The following DEFB109B variants were observed in gnomAD, a reference collection of about 807,000 sequenced individuals.
The protein encoded by DEFB109B is defensin beta 109B.
At chr8:7,315,243 C>A (rs1240884070) in intron 1 of DEFB109B, among the ~76,000 whole-genome samples, 2 of 118,180 alleles carry the variant, frequency 1.7e-5, no homozygotes, top group Admixed American at 7.9e-5. Flanking sequence ...TGGGGCCACA[C>A]GCGGTGGCTC....
chr8:7,319,953 A>T (rs1803215266), downstream of DEFB109B: 1 of 68,728 alleles, frequency 1.5e-5, no homozygotes, highest in Non-Finnish European at 2.6e-5. Context: ...TTGAAATGAA[A>T]CTGAAACAAA....
chr8:7,317,630 TTAAAGA>T (rs1803044171), intron 1 of DEFB109B, among the ~76,000 whole-genome samples: 19 of 96,332 alleles, frequency 2.0e-4, no homozygotes, highest in Admixed American at 5.4e-4. Context: ...TTTGGAGATA[TTAAAGA>T]TTCAGATGTA....
chr8:7,316,873 C>T (rs1156997170), intron 1 of DEFB109B, among the ~76,000 whole-genome samples: 2 of 128,958 alleles, frequency 1.6e-5, no homozygotes, highest in Admixed American at 7.3e-5. Flanking sequence ...GAACTCCTGA[C>T]CTCGTGATCC....
intron 1 of DEFB109B, among the ~76,000 whole-genome samples, chr8:7,315,291 G>T (rs1802832328): frequency 7.7e-6 from 1 of 130,006 alleles, no homozygotes; most frequent in Admixed American, 7.1e-5. Context: ...GCCGAGGCCG[G>T]CAGATCACGA....
upstream of DEFB109B, among the ~76,000 whole-genome samples, chr8:7,311,984 A>C (rs1470757082): frequency 7.8e-6 from 1 of 128,526 alleles, no homozygotes; most frequent in Admixed American, 7.2e-5. Context: ...ATTTTACTTC[A>C]TAATAAGATA....
At chr8:7,313,689 T>G (rs1189375794) in intron 1 of DEFB109B, among the ~76,000 whole-genome samples, 1 of 140,570 alleles carries the variant, frequency 7.1e-6, no homozygotes, top group Non-Finnish European at 1.5e-5. Flanking sequence ...TTTTGGGGGC[T>G]TTTGGAAAAA....
intron 1 of DEFB109B, chr8:7,318,559 A>C (rs1291304862): frequency 1.6e-5 from 2 of 127,850 alleles, no homozygotes; most frequent in Non-Finnish European, 3.0e-5. Flanking sequence ...AATTTTAAAA[A>C]TCATATTTAA....
chr8:7,316,120 G>A (rs963022592), intron 1 of DEFB109B, among the ~76,000 whole-genome samples: 2 of 8,810 alleles, frequency 2.3e-4, no homozygotes, highest in Non-Finnish European at 2.1e-4. Flanking sequence ...TGTCAATTTT[G>A]TATTGTTATT....
In DEFB109B at chr8:7,313,718, C is replaced by T. The variant is rs1467763770; in HGVS notation, n.58+815C>T. Among the ~76,000 whole-genome samples, 13 of 141,640 alleles carry T rather than the reference C, an allele frequency of 9.2e-5. 1 individual carries two copies. The highest frequency in any genetic ancestry group is 3.7e-4 in the African/African-American group (12 of 32,370). The allele number at this position is 141,640 out of a possible 152,430, so 92.9% of individuals were successfully genotyped here. Reference sequence around the variant, plus strand: ...GGAAAAAAAAAACAGCATAATAAACCTAAAGAAGATAAAGGGAAAATTATA... The same window carrying T: ...GGAAAAAAAAAACAGCATAATAAACTTAAAGAAGATAAAGGGAAAATTATA... On this transcript the variant is annotated intron_variant and non_coding_transcript_variant, in intron 1 of 1. Transcript: ENST00000382656.
intron 1 of DEFB109B, among the ~76,000 whole-genome samples, chr8:7,316,927 CA>C (rs1802982337): frequency 7.9e-6 from 1 of 126,328 alleles, no homozygotes; most frequent in Non-Finnish European, 1.5e-5. Flanking sequence ...AGGCATGAGC[CA>C]CCATGCCCAG....
chr8:7,311,969 G>A (rs1456047592), upstream of DEFB109B, among the ~76,000 whole-genome samples: 54 of 126,948 alleles, frequency 4.3e-4, 3 homozygotes, highest in Non-Finnish European at 7.2e-4. Flanking sequence ...ATCAAGTCAA[G>A]TTTTATTTTA....
upstream of DEFB109B, among the ~76,000 whole-genome samples, chr8:7,312,227 A>C (rs559624582): frequency 1.7e-3 from 235 of 134,968 alleles, 37 homozygotes; most frequent in African/African-American, 6.6e-3. Context: ...TCAAGGGTTA[A>C]AGCTATAAAA....
At chr8:7,310,452 AC>A (rs996175252), upstream of DEFB109B, among the ~76,000 whole-genome samples, 1 of 105,296 alleles carries the variant, frequency 9.5e-6, no homozygotes, top group Admixed American at 9.7e-5. Flanking sequence ...AACCTAAGTC[AC>A]CAACCCTTAA....
At chr8:7,315,732 C>T (rs558347061) in intron 1 of DEFB109B, among the ~76,000 whole-genome samples, 1 of 140,870 alleles carries the variant, frequency 7.1e-6, no homozygotes, top group South Asian at 2.2e-4. Context: ...CAGGTACACA[C>T]AAAGCATGTG....
upstream of DEFB109B, among the ~76,000 whole-genome samples, chr8:7,310,417 A>G (rs1802552525): frequency 1.1e-5 from 1 of 87,276 alleles, no homozygotes; most frequent in South Asian, 4.3e-4. Context: ...AAAAAAAAAA[A>G]GCCAAAAGAT....
In DEFB109B at chr8:7,313,297, C is replaced by T. The variant is rs544236267; in HGVS notation, n.58+394C>T. ...AGTTAGATCTGACAGGATTGAATTT[C>T]GGTGGCATCTATTATTATATTCACT... On this transcript the variant is annotated intron_variant and non_coding_transcript_variant, in intron 1 of 1. Transcript: ENST00000382656. 1.7e-4 allele frequency among the ~76,000 whole-genome samples: 25 copies of T among 145,302 alleles called. No individual in the cohort carries two copies. In the East Asian group the frequency reaches 2.8e-3, roughly 16 times the overall value.
At position 7,318,970 on chromosome 8, in the gene DEFB109B, GTAGA is replaced by G. The variant is rs1229396351; in HGVS notation, n.59-770_59-767del. The G allele has an allele frequency of 1.1e-4, 16 of 146,208 alleles. 3 individuals are homozygous for G. The highest frequency in any genetic ancestry group is 4.5e-4 in the African/African-American group (16 of 35,830). 9.1% of individuals were successfully genotyped at this position (146,208 alleles called of 1,614,324 possible). On this transcript the variant is annotated intron_variant and non_coding_transcript_variant, in intron 1 of 1. Transcript: ENST00000382656. Reference sequence around the variant, plus strand: ...GACTAAGACACTATTAGCAATTAAAGTAGATAGATCAAATCTAAATATGGAGAGA... The same window carrying G: ...GACTAAGACACTATTAGCAATTAAAGTAGATCAAATCTAAATATGGAGAGA...
At chr8:7,312,001 A>G (rs537181434), upstream of DEFB109B, among the ~76,000 whole-genome samples, 1 of 129,006 alleles carries the variant, frequency 7.8e-6, no homozygotes, top group East Asian at 2.0e-4. Flanking sequence ...GATAATGGAG[A>G]TAAGTGTTAA....
At position 7,316,715 on chromosome 8, in the gene DEFB109B, C is replaced by A. The variant is rs548335264; in HGVS notation, n.59-3031C>A. 4.8e-4 allele frequency among the ~76,000 whole-genome samples: 70 copies of A among 144,506 alleles called. 1 individual carries two copies. Among genetic ancestry groups the A allele is most frequent in the Non-Finnish European group, 9.4e-4 (64 of 67,924 alleles). 94.8% of individuals were successfully genotyped at this position (144,506 alleles called of 152,430 possible). A position where few individuals can be genotyped will look rare whatever the true frequency, so the allele number is the denominator to read the frequency against. On this transcript the variant is annotated intron_variant and non_coding_transcript_variant, in intron 1 of 1. Transcript: ENST00000382656. ...AATCTTGGCTCACTACAACCTCCACCTCCTGGGTTCAAGTGATTCTCCTGC... is the reference window on the plus strand; with the variant it reads ...AATCTTGGCTCACTACAACCTCCACATCCTGGGTTCAAGTGATTCTCCTGC...
Sources: allele counts gnomAD v4.1 joint callset (sites outside exome capture counted in the v4.1 genomes callset), GRCh38; gene constraint gnomAD v4.1.1; transcripts MANE v1.5; gene names NCBI Gene and HGNC (gene_info 2026-07-23, HGNC 2026-07-21).